Variants in COL5A2 observed in about 807,000 individuals in gnomAD.
The protein encoded by COL5A2 is collagen type V alpha 2 chain, also known as collagen alpha-2(V) chain.
Under a neutral mutation model 208.2 loss-of-function variants are expected in COL5A2, and 23 were observed. That is an observed-to-expected ratio of 0.11 (90% CI 0.08 to 0.16). The LOEUF (loss-of-function observed/expected upper bound fraction) is 0.16. Ranked by LOEUF, COL5A2 falls within the 10% of genes least tolerant of loss-of-function variation. The probability of loss-of-function intolerance (pLI) is 1.00; values close to 1 mark genes in which losing one functional copy is unlikely to be tolerated. For synonymous variants in COL5A2, 625 were observed against 628.5 expected (o/e 0.99, Z 0.08); for missense variants, 1,590 against 1,956.4 (o/e 0.81, Z 3.53).
At chr2:189,390,877 C>T in the COL5A2 span, among the ~76,000 whole-genome samples, 1 of 152,118 alleles carries the variant, frequency 6.6e-6, no homozygotes, top group African/African-American at 2.4e-5. Flanking sequence ...ATAAGGCATC[C>T]ATAATTTATT....
chr2:189,181,124 C>T (rs976095486), upstream of COL5A2, among the ~76,000 whole-genome samples: 1 of 151,870 alleles, frequency 6.6e-6, no homozygotes, highest in African/African-American at 2.4e-5. Context: ...TGCATTAAGC[C>T]CGGAGAAAGG....
intron 1 of COL5A2, among the ~76,000 whole-genome samples, chr2:189,199,037 A>G (rs949691115): frequency 2.0e-5 from 3 of 150,134 alleles, no homozygotes; most frequent in Non-Finnish European, 4.4e-5. Flanking sequence ...AATTCCCTAC[A>G]TATCATATGC....
chr2:189,190,066 C>T (rs1559141796), intron 1 of COL5A2, among the ~76,000 whole-genome samples: 3 of 152,250 alleles, frequency 2.0e-5, no homozygotes, highest in Non-Finnish European at 4.4e-5. Flanking sequence ...CTTCTTGACA[C>T]CCAAAGGTAA....
At chr2:189,074,022 T>C (rs1484984171) in intron 17 of COL5A2, among the ~76,000 whole-genome samples, 2 of 152,122 alleles carry the variant, frequency 1.3e-5, no homozygotes, top group African/African-American at 2.4e-5. Context: ...GGGAGAACTA[T>C]TGCAAGTAAT....
intron 2 of COL5A2, among the ~76,000 whole-genome samples, chr2:189,106,906 TA>T (rs1687161480): frequency 6.6e-6 from 1 of 151,494 alleles, no homozygotes; most frequent in South Asian, 2.1e-4. Flanking sequence ...AATAGTCAAT[TA>T]TTTTGCACTT....
the COL5A2 span, among the ~76,000 whole-genome samples, chr2:189,436,158 C>G: frequency 6.6e-6 from 1 of 152,132 alleles, no homozygotes; most frequent in Non-Finnish European, 1.5e-5. Flanking sequence ...AGGGGAACAT[C>G]ACACACCTAA....
At chr2:189,272,509 C>A in the COL5A2 span, among the ~76,000 whole-genome samples, 2 of 151,774 alleles carry the variant, frequency 1.3e-5, no homozygotes, top group South Asian at 4.2e-4. Flanking sequence ...CAGGGCCTGT[C>A]GAGGGGTGGA....
chr2:189,184,829 T>C (rs1005250545), upstream of COL5A2, among the ~76,000 whole-genome samples: 4 of 152,190 alleles, frequency 2.6e-5, no homozygotes, highest in African/African-American at 9.7e-5. Flanking sequence ...TTATTCTTTC[T>C]GTACCATAGA....
chr2:189,177,703 T>C (rs934684184), intron 1 of COL5A2, among the ~76,000 whole-genome samples: 1 of 152,184 alleles, frequency 6.6e-6, no homozygotes, highest in Non-Finnish European at 1.5e-5. Context: ...AGTTGGGGAC[T>C]TTTTTGCATC....
the COL5A2 span, among the ~76,000 whole-genome samples, chr2:189,435,242 A>T: frequency 1.3e-5 from 2 of 152,190 alleles, no homozygotes; most frequent in African/African-American, 4.8e-5. Context: ...AACCTAGGCA[A>T]TACCATTCAC....
intron 1 of COL5A2, among the ~76,000 whole-genome samples, chr2:189,121,223 C>CT (rs1020546012): frequency 1.3e-5 from 2 of 151,332 alleles, no homozygotes; most frequent in Non-Finnish European, 2.9e-5. Flanking sequence ...TTGGGGGTTG[C>CT]TTTTTTTTCA....
intron 1 of COL5A2, among the ~76,000 whole-genome samples, chr2:189,111,001 G>A (rs1289858239): frequency 6.6e-6 from 1 of 152,082 alleles, no homozygotes; most frequent in Non-Finnish European, 1.5e-5. Context: ...GTATAACCAT[G>A]TCCCATTTCA....
the COL5A2 span, among the ~76,000 whole-genome samples, chr2:189,405,033 A>G: frequency 1.3e-5 from 2 of 152,170 alleles, no homozygotes; most frequent in East Asian, 3.9e-4. Flanking sequence ...AATTGTACCT[A>G]TTTTATGGGG....
intron 1 of COL5A2, among the ~76,000 whole-genome samples, chr2:189,172,694 G>A (rs1688593808): frequency 1.3e-5 from 2 of 152,116 alleles, no homozygotes; most frequent in African/African-American, 2.4e-5. Context: ...AGACTACAAC[G>A]AGGCTATGAT....
At chr2:189,377,376 A>G in the COL5A2 span, among the ~76,000 whole-genome samples, 2 of 152,198 alleles carry the variant, frequency 1.3e-5, no homozygotes, top group Admixed American at 6.5e-5. Context: ...ACAGACCTAC[A>G]TTATACCGGG....
chr2:189,201,444 G>A (rs1461455637), intron 1 of COL5A2, among the ~76,000 whole-genome samples: 1 of 151,830 alleles, frequency 6.6e-6, no homozygotes, highest in Non-Finnish European at 1.5e-5. Context: ...AATAAAATGA[G>A]AAACATGAAA....
At chr2:189,427,272 G>A in the COL5A2 span, among the ~76,000 whole-genome samples, 1 of 152,268 alleles carries the variant, frequency 6.6e-6, no homozygotes, top group African/African-American at 2.4e-5. Flanking sequence ...AGCGCAAGCT[G>A]TAAACCTTGG....
At chr2:189,436,966 T>A in the COL5A2 span, among the ~76,000 whole-genome samples, 2 of 151,952 alleles carry the variant, frequency 1.3e-5, no homozygotes, top group Non-Finnish European at 2.9e-5. Flanking sequence ...CATTTACCTA[T>A]ATAACAAACC....
upstream of COL5A2, among the ~76,000 whole-genome samples, chr2:189,184,671 T>A (rs1052416535): frequency 6.6e-6 from 1 of 152,224 alleles, no homozygotes; most frequent in African/African-American, 2.4e-5. Context: ...TACAGACCCA[T>A]GTGACTACAT....
Sources: allele counts gnomAD v4.1 joint callset (sites outside exome capture counted in the v4.1 genomes callset), GRCh38; gene constraint gnomAD v4.1.1; transcripts MANE v1.5; gene names NCBI Gene and HGNC (gene_info 2026-07-23, HGNC 2026-07-21).